Variants in TMEM74 observed in about 807,000 individuals in gnomAD.
TMEM74 encodes the protein transmembrane protein 74.
In TMEM74, 13 loss-of-function variants were observed where a neutral mutation model predicts 18.1. The ratio of observed to expected loss-of-function variants is 0.72; its 90% CI spans 0.47 to 1.14. The LOEUF is 1.14. Among genes scored for constraint, TMEM74 ranks in the 50% most tolerant of loss-of-function variants. The pLI is 0.00. For missense variants in TMEM74, 372 were observed against 375.9 expected, an observed-to-expected ratio of 0.99 and a Z score of 0.09; for synonymous variants, 159 against 146.6, an observed-to-expected ratio of 1.08 and a Z score of -0.61.
chr8:108,747,590 T>C (rs1045841485), intron 1 of TMEM74, among the ~76,000 whole-genome samples: 1 of 151,938 alleles, frequency 6.6e-6, no homozygotes, highest in Non-Finnish European at 1.5e-5. Flanking sequence ...AGTTCAGGGG[T>C]ACATGTGCAG....
intron 2 of TMEM74, among the ~76,000 whole-genome samples, chr8:108,638,928 C>T (rs111722449): frequency 6.6e-6 from 1 of 152,182 alleles, no homozygotes; most frequent in African/African-American, 2.4e-5. Flanking sequence ...CAAACTGATG[C>T]AAGTGGAGAC....
chr8:108,778,091 G>T (rs1167968646), downstream of TMEM74, among the ~76,000 whole-genome samples: 2 of 152,008 alleles, frequency 1.3e-5, no homozygotes, highest in African/African-American at 4.8e-5. Context: ...TTGATCAAGT[G>T]ATCATTAGAG....
chr8:108,729,786 C>T (rs1162971715), intron 1 of TMEM74, among the ~76,000 whole-genome samples: 1 of 152,190 alleles, frequency 6.6e-6, no homozygotes, highest in Admixed American at 6.5e-5. Context: ...GTGCCAGACA[C>T]CATGCTACAT....
chr8:108,778,558 T>C (rs1814263160), downstream of TMEM74, among the ~76,000 whole-genome samples: 1 of 152,210 alleles, frequency 6.6e-6, no homozygotes, highest in Admixed American at 6.5e-5. Flanking sequence ...TAGATAAGAA[T>C]CTTGATCCAA....
At chr8:108,760,175 GGAGA>G (rs372338811) in intron 1 of TMEM74, among the ~76,000 whole-genome samples, 1 of 136,646 alleles carries the variant, frequency 7.3e-6, no homozygotes, top group East Asian at 2.1e-4. Flanking sequence ...AGAGAGAGAG[GGAGA>G]GAGAGAGGGA....
intron 2 of TMEM74, among the ~76,000 whole-genome samples, chr8:108,621,619 G>T (rs185615453): frequency 1.4e-4 from 21 of 152,268 alleles, no homozygotes; most frequent in Admixed American, 1.3e-3. Context: ...GAAGTGCTTT[G>T]CTGTATCCAT....
chr8:108,631,292 A>G (rs1349658778), intron 2 of TMEM74, among the ~76,000 whole-genome samples: 1 of 151,988 alleles, frequency 6.6e-6, no homozygotes, highest in African/African-American at 2.4e-5. Context: ...TGCTGCAGGT[A>G]GTGGAGTGTG....
At chr8:108,720,349 T>C (rs1038270196) in intron 1 of TMEM74, among the ~76,000 whole-genome samples, 1 of 152,220 alleles carries the variant, frequency 6.6e-6, no homozygotes, top group Non-Finnish European at 1.5e-5. Flanking sequence ...CAATGAGAAC[T>C]CTTAAGTGGA....
intron 1 of TMEM74, among the ~76,000 whole-genome samples, chr8:108,696,702 G>A (rs1461308095): frequency 6.6e-6 from 1 of 152,126 alleles, no homozygotes; most frequent in African/African-American, 2.4e-5. Context: ...CCAAACCCCT[G>A]CTCTCCAAAG....
intron 1 of TMEM74, among the ~76,000 whole-genome samples, chr8:108,694,227 T>A (rs1010218502): frequency 6.6e-6 from 1 of 152,222 alleles, no homozygotes; most frequent in South Asian, 2.1e-4. Context: ...GTGCAACCAC[T>A]ACCTCTATCT....
chr8:108,720,762 G>A (rs1156575825), intron 1 of TMEM74, among the ~76,000 whole-genome samples: 3 of 93,518 alleles, frequency 3.2e-5, no homozygotes, highest in East Asian at 9.3e-4. Flanking sequence ...TTATTAGTTT[G>A]TTTGTTTGTT....
At chr8:108,661,898 T>C (rs1812903705) in intron 1 of TMEM74, among the ~76,000 whole-genome samples, 2 of 152,022 alleles carry the variant, frequency 1.3e-5, no homozygotes, top group Admixed American at 6.6e-5. Flanking sequence ...CTATTCCTTA[T>C]AAGGAGAGTG....
At chr8:108,644,167 G>A (rs1812693133) in intron 2 of TMEM74, among the ~76,000 whole-genome samples, 1 of 152,046 alleles carries the variant, frequency 6.6e-6, no homozygotes, top group South Asian at 2.1e-4. Context: ...TAAACCAATG[G>A]AACAGAATAG....
intron 1 of TMEM74, among the ~76,000 whole-genome samples, chr8:108,682,175 C>A: frequency 6.6e-6 from 1 of 152,048 alleles, no homozygotes; most frequent in South Asian, 2.1e-4. Context: ...AGCCATATTT[C>A]TTTTCCACTG....
At chr8:108,741,921 A>G (rs964699851) in intron 1 of TMEM74, among the ~76,000 whole-genome samples, 6 of 152,184 alleles carry the variant, frequency 3.9e-5, no homozygotes, top group Non-Finnish European at 5.9e-5. Context: ...GACAGATTGG[A>G]TAAAGAAAAT....
chr8:108,776,963 A>G (rs1159443248), downstream of TMEM74, among the ~76,000 whole-genome samples: 1 of 152,186 alleles, frequency 6.6e-6, no homozygotes, highest in Non-Finnish European at 1.5e-5. Flanking sequence ...GATCCCAAGT[A>G]CCTACAAAAA....
intron 1 of TMEM74, among the ~76,000 whole-genome samples, chr8:108,691,189 C>T (rs1250038954): frequency 6.6e-6 from 1 of 152,186 alleles, no homozygotes; most frequent in African/African-American, 2.4e-5. Context: ...TGCTTCCCTT[C>T]TGGCTGGTGG....
At chr8:108,691,658 C>T (rs1051755465) in intron 1 of TMEM74, among the ~76,000 whole-genome samples, 1 of 152,026 alleles carries the variant, frequency 6.6e-6, no homozygotes, top group African/African-American at 2.4e-5. Context: ...AATAAACAGG[C>T]AACCAAGGGA....
At chr8:108,645,978 G>A (rs1436910298) in intron 2 of TMEM74, among the ~76,000 whole-genome samples, 2 of 151,966 alleles carry the variant, frequency 1.3e-5, no homozygotes. Flanking sequence ...AAGTTTGTGG[G>A]CTCAGATTTA....
Sources: gnomAD v4.1 joint callset for allele counts (sites outside exome capture counted in the v4.1 genomes callset) on GRCh38, gnomAD v4.1.1 for gene constraint, MANE v1.5 for transcripts, NCBI Gene and HGNC (gene_info 2026-07-23, HGNC 2026-07-21) for gene names.